Variants in GCN1 observed in about 807,000 individuals in gnomAD.
The protein encoded by GCN1 is GCN1 activator of EIF2AK4.
A neutral mutation model predicts 288.4 loss-of-function variants in GCN1; 90 were observed. That is an observed-to-expected ratio of 0.31 (90% CI 0.26 to 0.37). The LOEUF (loss-of-function observed/expected upper bound fraction) is 0.37. GCN1 is among the 10% of genes least tolerant of loss of function. The pLI is 1.00. For missense variants in GCN1, 2,586 were observed against 3,419.9 expected (o/e 0.76, Z 6.08); for synonymous variants, 1,386 against 1,420.2 (o/e 0.98, Z 0.54).
rs773103914 is a variant in GCN1, at chr12:120,151,273, C to A, written c.4181G>T (p.Arg1394Leu). ...QLLESDKYAE[R>L]KGAAYGLAGL... is the part of the protein sequence containing the mutation. The stretch of plus-strand genomic sequence containing the variant: ...CGCCAGGCCATAGGCGGCCCCTTTG[C>A]GCTCTGCGTACTTGTCTGACTCCAG... The change falls in exon 34 of 58, where the codon CGC becomes CTC. Residue 1394 changes from arginine to leucine, a missense_variant. Arg to Leu is a moderately radical substitution (Grantham distance 102, BLOSUM62 -2). Transcript: ENST00000300648. The A allele has an allele frequency of 1.2e-6, 2 of 1,614,174 alleles. No individual in the cohort carries two copies. The highest frequency in any genetic ancestry group is 1.7e-6 in the Non-Finnish European group (2 of 1,180,024).
At chr12:120,184,723 T>C in intron 3 of GCN1, 101 bp downstream of exon 3, 1 of 843,796 alleles carries the variant, frequency 1.2e-6, no homozygotes, top group East Asian at 2.4e-5. Context: ...AGCCCAGATT[T>C]GGCACCAGGC....
chr12:120,174,481 A>G (rs1018268996), intron 12 of GCN1, among the ~76,000 whole-genome samples: 3 of 152,132 alleles, frequency 2.0e-5, no homozygotes, highest in African/African-American at 7.2e-5. Flanking sequence ...CGCCTTACCT[A>G]AGAATTATGT....
chr12:120,175,605 C>G, intron 11 of GCN1, 141 bp downstream of exon 11: 1 of 852,956 alleles, frequency 1.2e-6, no homozygotes, highest in Non-Finnish European at 1.8e-6. Context: ...CACACACATT[C>G]ACATTCCAGT....
chr12:120,138,813 G>C lies in GCN1; in HGVS notation c.6038C>G (p.Ala2013Gly). Residue 2013 changes from alanine (A) to glycine (G), a missense_variant, in exon 46 of 58, where the codon GCT (alanine) becomes GGT (glycine). By Grantham distance (60) the Ala-to-Gly change is moderately conservative (BLOSUM62 0). This residue lies in a region of GCN1 where 437 missense variants were observed against 570.5 expected (regional missense o/e 0.77). Coordinates refer to ENST00000300648, the MANE Select transcript of GCN1 (RefSeq NM_006836.2). Reference protein sequence around the residue: ...SESLVPTARKALCDPLEEVRE... With the variant: ...SESLVPTARKGLCDPLEEVRE... Reference sequence around the variant, plus strand: ...GACCTCCTCCAGTGGGTCACACAAAGCCTTCCTTGCCGTGGGCACGAGGGA... The same window carrying C: ...GACCTCCTCCAGTGGGTCACACAAACCCTTCCTTGCCGTGGGCACGAGGGA... 6.2e-7 allele frequency: 1 copy of C among 1,613,952 alleles called. No individual in the cohort carries two copies. The highest frequency in any genetic ancestry group is 8.5e-7 in the Non-Finnish European group (1 of 1,179,818).
At chr12:120,162,377 G>A (rs1369312971) in intron 20 of GCN1, 4 of 402,250 alleles carry the variant, frequency 9.9e-6, no homozygotes, top group Admixed American at 8.0e-5. Context: ...GTGCAGAGAT[G>A]AGCATGGCAC....
rs1038354798 is a variant in GCN1, at chr12:120,158,387, C to T, written c.2905+73G>A. 4.2e-5 allele frequency: 55 copies of T among 1,300,654 alleles called. No homozygotes were observed. Among genetic ancestry groups the T allele is most frequent in the Middle Eastern group, 1.9e-4 (1 of 5,246 alleles). The allele number at this position is 1,300,654 out of a possible 1,614,324, so 80.6% of individuals were successfully genotyped here. A position where few individuals can be genotyped will look rare whatever the true frequency, so the allele number is the denominator to read the frequency against. ...CCCAGGCTCAGGAGGCCCTGGGTGA[C>T]GCTGTGCCTTGAGCAGCATTCCTGG... On this transcript the variant is annotated intron_variant, in intron 25 of 57. Transcript: ENST00000300648. This position sits in a 1 kb window ranked among gnomAD's most constrained non-coding sequence, Gnocchi z 4.3.
Position 120,164,627 on chromosome 12 carries a change from G to GT in GCN1, c.1688+18dup, listed in dbSNP as rs1878042649. 2.5e-6 allele frequency: 4 copies of GT among 1,611,246 alleles called. No homozygotes were observed. The highest frequency in any genetic ancestry group is 1.7e-5 in the Admixed American group (1 of 59,980). On this transcript the variant is annotated intron_variant, in intron 17 of 57. Coordinates refer to ENST00000300648, the MANE Select transcript of GCN1 (RefSeq NM_006836.2). ...TGCCTCATTTGGCCCAAAAGAAAAG[G>GT]TAAGCCAGCCTCACGTACTGAACTT...
chr12:120,158,398 G>C lies in GCN1; in HGVS notation c.2905+62C>G. The C allele has an allele frequency of 7.1e-7, 1 of 1,401,938 alleles. No individual in the cohort carries two copies. Among genetic ancestry groups the C allele is most frequent in the African/African-American group, 1.4e-5 (1 of 70,194 alleles). The allele number at this position is 1,401,938 out of a possible 1,614,324, so 86.8% of individuals were successfully genotyped here. ...GAGGCCCTGGGTGACGCTGTGCCTT[G>C]AGCAGCATTCCTGGCACCAGCTCAC... On this transcript the variant is annotated intron_variant, in intron 25 of 57. Coordinates refer to ENST00000300648, the MANE Select transcript of GCN1 (RefSeq NM_006836.2). The surrounding 1 kb of genome is among the most constrained non-coding windows in gnomAD (Gnocchi z 4.3).
intron 56 of GCN1, 100 bp downstream of exon 56, chr12:120,130,546 C>A: frequency 1.3e-6 from 1 of 782,432 alleles, no homozygotes. Flanking sequence ...GGAGAACTAG[C>A]ACACAACTAG....
intron 5 of GCN1, among the ~76,000 whole-genome samples, chr12:120,180,088 C>T (rs57986953): frequency 1.6e-3 from 240 of 152,230 alleles, no homozygotes; most frequent in African/African-American, 5.2e-3. Flanking sequence ...AGGCAGATCA[C>T]CTGAGGTCGG....
Position 120,134,945 on chromosome 12 carries a change from G to C in GCN1, c.7009-219C>G, listed in dbSNP as rs767087936. Among the ~76,000 whole-genome samples, 4 of 152,228 alleles carry C rather than the reference G, an allele frequency of 2.6e-5. No individual in the cohort carries two copies. The highest frequency in any genetic ancestry group is 5.9e-5 in the Non-Finnish European group (4 of 68,040). On this transcript the variant is annotated intron_variant, in intron 51 of 57. Coordinates refer to ENST00000300648, the MANE Select transcript of GCN1 (RefSeq NM_006836.2). This position sits in a 1 kb window ranked among gnomAD's most constrained non-coding sequence, Gnocchi z 5.0. ...ATGCTTTGATACACTGGAGGAGCAGGAGGCCGAGGAGGCGGCGGCCGCTAT... is the reference window on the plus strand; with the variant it reads ...ATGCTTTGATACACTGGAGGAGCAGCAGGCCGAGGAGGCGGCGGCCGCTAT...
intron 38 of GCN1, 86 bp downstream of exon 38, chr12:120,146,966 A>G (rs1050105079): frequency 5.6e-6 from 4 of 714,076 alleles, no homozygotes; most frequent in Non-Finnish European, 8.5e-6. Flanking sequence ...ATAACTTTCC[A>G]TGTCTAATGT....
chr12:120,171,658 T>C (rs1878317968), intron 14 of GCN1, among the ~76,000 whole-genome samples: 1 of 152,238 alleles, frequency 6.6e-6, no homozygotes, highest in South Asian at 2.1e-4. Flanking sequence ...GTTTTGTTTT[T>C]AAAAGGTTTA....
At chr12:120,164,742 T>C in intron 16 of GCN1, 21 bp from the exon 17 acceptor site, 1 of 1,561,910 alleles carries the variant, frequency 6.4e-7, no homozygotes, top group Non-Finnish European at 8.8e-7. Flanking sequence ...AGAAAAGGAA[T>C]GGAAGTGTTT....
At position 120,159,908 on chromosome 12, in the gene GCN1, T is replaced by C; in HGVS notation, c.2666A>G (p.Lys889Arg). 1 of 1,614,130 alleles carries C rather than the reference T, an allele frequency of 6.2e-7. No individual in the cohort carries two copies. The highest frequency in any genetic ancestry group is 1.3e-5 in the African/African-American group (1 of 75,034). Residue 889 changes from lysine to arginine, a missense_variant, in exon 24 of 58, where the codon AAG (lysine) becomes AGG (arginine). Transcript: ENST00000300648. ...VLVDSFLPLL[K>R]SPLAAPRIKN... ...GATCCTGGGAGCAGCCAGGGGAGAC[T>C]TCAGCAAGGGCAGAAAAGAGTCGAC...
intron 22 of GCN1, 156 bp from the exon 23 acceptor site, chr12:120,160,411 A>G: frequency 1.6e-6 from 1 of 609,404 alleles, no homozygotes; most frequent in East Asian, 2.8e-5. Flanking sequence ...CCAACCTCCC[A>G]CAAAGTCCAC....
chr12:120,161,627 C>CA, intron 21 of GCN1, 44 bp from the exon 22 acceptor site: 1 of 1,401,410 alleles, frequency 7.1e-7, no homozygotes, highest in Non-Finnish European at 1.0e-6. Flanking sequence ...AAAAGCACCG[C>CA]AAGTCCTGTC....
Position 120,160,026 on chromosome 12 carries a change from G to T in GCN1, c.2551-3C>A. ...GCCGCCTCCAGCTCCCCATCCAGCT[G>T]CAAGCAGAGTTGTCCAGAAGGCAGG... On this transcript the variant is annotated splice_region_variant and splice_polypyrimidine_tract_variant and intron_variant, in intron 23 of 57. Coordinates refer to ENST00000300648, the MANE Select transcript of GCN1 (RefSeq NM_006836.2). 1 of 1,613,860 alleles carries T rather than the reference G, an allele frequency of 6.2e-7. No homozygotes were observed. Among genetic ancestry groups the T allele is most frequent in the Non-Finnish European group, 8.5e-7 (1 of 1,179,754 alleles).
Position 120,175,765 on chromosome 12 carries a change from G to T in GCN1, c.1023C>A (p.His341Gln). 6.2e-7 allele frequency: 1 copy of T among 1,612,550 alleles called. No homozygotes were observed. The highest frequency in any genetic ancestry group is 8.5e-7 in the Non-Finnish European group (1 of 1,179,468). ...GCTCACCTCCGAGGATAGCAAATAG[G>T]TGCTTGGTCAGGGATTCCATGGCCG... is the stretch of plus-strand genomic sequence containing the variant. ...DSSAMESLTK[H>Q]LFAILGGSEG... is the part of the protein sequence containing the mutation. Residue 341 changes from histidine to glutamine, a missense_variant, in exon 11 of 58, where the codon CAC (histidine) becomes CAA (glutamine). His to Gln is a conservative substitution (Grantham distance 24). Around this residue, in one of 8 missense-constraint regions of GCN1, gnomAD observed 913 missense variants for 1,107.0 expected, o/e 0.82. Transcript: ENST00000300648.
Sources: allele counts gnomAD v4.1 joint callset (sites outside exome capture counted in the v4.1 genomes callset), GRCh38; gene constraint gnomAD v4.1.1; regional missense constraint gnomAD v4.1.1; non-coding constraint Gnocchi (gnomAD v3.1); transcripts MANE v1.5; gene names NCBI Gene and HGNC (gene_info 2026-07-23, HGNC 2026-07-21).